ZNF469: variants seen among roughly 807,000 people sequenced by gnomAD.
ZNF469 encodes zinc finger protein 469.
A neutral mutation model predicts 1.0 loss-of-function variants in ZNF469; 1 was observed. That is an observed-to-expected ratio of 1.00 (90% CI 0.35 to 4.73). The LOEUF is 4.73. Ranked by LOEUF, ZNF469 falls within the 30% of genes most tolerant of loss-of-function variation. The pLI is 0.16. For missense variants in ZNF469, 6,100 were observed against 5,356.3 expected (o/e 1.14, Z -4.33); for synonymous variants, 2,703 against 2,363.4 (o/e 1.14, Z -4.17).
chr16:88,280,179 G>A, the ZNF469 span, among the ~76,000 whole-genome samples: 417 of 151,518 alleles, frequency 2.8e-3, 4 homozygotes, highest in Non-Finnish European at 4.7e-3. Context: ...GCTGCACCAC[G>A]CTGACGCTTG....
At chr16:88,363,056 C>A in the ZNF469 span, among the ~76,000 whole-genome samples, 2 of 152,030 alleles carry the variant, frequency 1.3e-5, no homozygotes, top group Non-Finnish European at 2.9e-5. Flanking sequence ...TACTTGTTTC[C>A]TTTTTATAGT....
chr16:88,163,917 T>C, the ZNF469 span, among the ~76,000 whole-genome samples: 3 of 143,582 alleles, frequency 2.1e-5, no homozygotes, highest in East Asian at 2.1e-4. Context: ...GATGGATGGA[T>C]GAGTGGGTGG....
chr16:88,294,436 C>T, the ZNF469 span, among the ~76,000 whole-genome samples: 978 of 152,312 alleles, frequency 6.4e-3, 8 homozygotes, highest in African/African-American at 0.022. Context: ...CATCATTGTG[C>T]AAACTCCCTT....
intron 1 of ZNF469, among the ~76,000 whole-genome samples, chr16:88,417,958 G>A (rs1905349147): frequency 6.6e-6 from 1 of 152,356 alleles, no homozygotes; most frequent in South Asian, 2.1e-4. Flanking sequence ...GTGCATGAGT[G>A]TGTCCACGTG....
the ZNF469 span, among the ~76,000 whole-genome samples, chr16:88,324,439 C>G: frequency 4.6e-5 from 7 of 152,348 alleles, no homozygotes; most frequent in South Asian, 1.5e-3. Flanking sequence ...CACGTGTGGC[C>G]AGGCCTCAGT....
At chr16:88,221,931 C>G in the ZNF469 span, among the ~76,000 whole-genome samples, 2 of 152,172 alleles carry the variant, frequency 1.3e-5, no homozygotes, top group African/African-American at 4.8e-5. Context: ...TCAGAACAAT[C>G]TCATCGCTAC....
the ZNF469 span, among the ~76,000 whole-genome samples, chr16:88,133,718 G>A: frequency 1.3e-5 from 2 of 151,834 alleles, no homozygotes; most frequent in African/African-American, 4.8e-5. Context: ...AACATTCATA[G>A]GATATTAAAG....
chr16:88,357,699 G>A, the ZNF469 span, among the ~76,000 whole-genome samples: 2 of 152,210 alleles, frequency 1.3e-5, no homozygotes, highest in African/African-American at 2.4e-5. Flanking sequence ...TTGAGGCAGC[G>A]CAGTTATTTC....
intron 1 of ZNF469, among the ~76,000 whole-genome samples, chr16:88,407,371 C>T (rs995646659): frequency 2.6e-5 from 4 of 152,212 alleles, no homozygotes; most frequent in Admixed American, 1.3e-4. Context: ...CAGTGTTACG[C>T]GAAGGAAGGA....
chr16:88,159,589 G>C, the ZNF469 span, among the ~76,000 whole-genome samples: 3 of 152,192 alleles, frequency 2.0e-5, no homozygotes, highest in African/African-American at 7.2e-5. Context: ...CCGCATTCTC[G>C]TCTCTAAATC....
At chr16:88,188,153 G>T in the ZNF469 span, among the ~76,000 whole-genome samples, 2 of 152,002 alleles carry the variant, frequency 1.3e-5, no homozygotes, top group South Asian at 2.1e-4. Flanking sequence ...CCTGCCTGGG[G>T]TGCCCTTCCT....
At chr16:88,387,914 C>T (rs1218159598) in intron 1 of ZNF469, among the ~76,000 whole-genome samples, 3 of 152,206 alleles carry the variant, frequency 2.0e-5, no homozygotes, top group Non-Finnish European at 4.4e-5. Flanking sequence ...GGTGGCCCCT[C>T]AAGTGGAAAG....
At chr16:88,193,249 A>T in the ZNF469 span, among the ~76,000 whole-genome samples, 5 of 63,690 alleles carry the variant, frequency 7.9e-5, no homozygotes, top group African/African-American at 1.2e-4. Context: ...GGTGGTGGTG[A>T]TGGTGGTGAT....
the ZNF469 span, among the ~76,000 whole-genome samples, chr16:88,321,119 G>A: frequency 2.9e-4 from 44 of 152,368 alleles, no homozygotes; most frequent in African/African-American, 8.2e-4. Flanking sequence ...AGCCTGGCCC[G>A]GGGATGCCGC....
the ZNF469 span, among the ~76,000 whole-genome samples, chr16:88,164,701 C>G: frequency 3.3e-5 from 5 of 152,208 alleles, no homozygotes; most frequent in African/African-American, 9.7e-5. Flanking sequence ...GTGGGGATCA[C>G]AGGGCTGGCC....
At chr16:88,328,700 G>A in the ZNF469 span, among the ~76,000 whole-genome samples, 2 of 152,168 alleles carry the variant, frequency 1.3e-5, no homozygotes, top group Admixed American at 6.5e-5. Flanking sequence ...CCAGCCGGGG[G>A]GCTGGGATGT....
chr16:88,131,996 T>A, the ZNF469 span, among the ~76,000 whole-genome samples: 3 of 152,240 alleles, frequency 2.0e-5, no homozygotes, highest in East Asian at 5.8e-4. Context: ...AGGGCAGCGA[T>A]GCTCCGCCCG....
chr16:88,114,897 C>G, the ZNF469 span, among the ~76,000 whole-genome samples: 3 of 152,238 alleles, frequency 2.0e-5, no homozygotes, highest in Admixed American at 1.3e-4. Context: ...GCACTGGAAA[C>G]AGGCCAGGGC....
At chr16:88,186,571 G>A in the ZNF469 span, among the ~76,000 whole-genome samples, 939 of 152,318 alleles carry the variant, frequency 6.2e-3, 13 homozygotes, top group African/African-American at 0.021. Flanking sequence ...GGGACCCGCA[G>A]GGACGAAGAG....
Sources: gnomAD v4.1 joint callset for allele counts (sites outside exome capture counted in the v4.1 genomes callset) on GRCh38, gnomAD v4.1.1 for gene constraint, MANE v1.5 for transcripts, NCBI Gene and HGNC (gene_info 2026-07-23, HGNC 2026-07-21) for gene names.